MYBL1: variants seen among roughly 807,000 people sequenced by gnomAD.
The protein encoded by MYBL1 is MYB proto-oncogene like 1.
MYBL1 carries 17 observed loss-of-function variants against 96.3 expected under a neutral mutation model. The observed-to-expected ratio is 0.18, with a 90% CI of 0.12 to 0.26. The LOEUF (loss-of-function observed/expected upper bound fraction) is 0.26, where lower values mean the gene tolerates loss of function less well. MYBL1 is among the 10% of genes least tolerant of loss of function. The pLI, the probability that MYBL1 is intolerant of heterozygous loss-of-function variation, is 1.00. For synonymous variants in MYBL1, 282 were observed against 292.7 expected (o/e 0.96, Z 0.37); for missense variants, 701 against 882.9 (o/e 0.79, Z 2.61).
chr8:66,580,250 C>G lies in MYBL1; in HGVS notation c.984G>C (p.Gln328His). Residue 328 changes from glutamine to histidine, a missense_variant, in exon 9 of 16, where the codon CAG (glutamine) becomes CAC (histidine). Gln to His is a conservative substitution (Grantham distance 24). This residue lies in a region of MYBL1 where 396 missense variants were observed against 407.4 expected (regional missense o/e 0.97). Transcript: ENST00000522677. Reference sequence around the variant, plus strand: ...GTGAATTCTGCTGAGCAGACACAGGCTGATTTTCATCCATACTGTAAAACT... The same window carrying G: ...GTGAATTCTGCTGAGCAGACACAGGGTGATTTTCATCCATACTGTAAAACT... ...TSEFYSMDEN[Q>H]PVSAQQNSPT... is the part of the protein sequence containing the mutation. 1 of 1,613,864 alleles carries G rather than the reference C, an allele frequency of 6.2e-7. No individual in the cohort carries two copies. Among genetic ancestry groups the G allele is most frequent in the Non-Finnish European group, 8.5e-7 (1 of 1,179,798 alleles).
intron 1 of MYBL1, among the ~76,000 whole-genome samples, chr8:66,608,945 A>G (rs577398594): frequency 3.3e-5 from 5 of 152,256 alleles, no homozygotes; most frequent in Non-Finnish European, 5.9e-5. Flanking sequence ...TACCTAAGTC[A>G]AAGAAAATAT....
At chr8:66,605,472 A>G (rs972443334) in intron 1 of MYBL1, among the ~76,000 whole-genome samples, 3 of 152,212 alleles carry the variant, frequency 2.0e-5, no homozygotes, top group African/African-American at 7.2e-5. Context: ...GTAAAAAAAG[A>G]AAAAGCAATT....
chr8:66,602,733 ATTTTTTT>A lies in MYBL1; in HGVS notation c.21-217_21-211del, dbSNP rs143426704. ...TATATATATATATATATATATATATATTTTTTTTTTTTTTTTTTTTTTTTTTTTCTGA... is the reference window on the plus strand; with the variant it reads ...TATATATATATATATATATATATATATTTTTTTTTTTTTTTTTTTTTCTGA... On this transcript the variant is annotated intron_variant, in intron 1 of 15. Coordinates refer to ENST00000522677, the MANE Select transcript of MYBL1 (RefSeq NM_001080416.4). 4.4e-3 allele frequency among the ~76,000 whole-genome samples: 123 copies of A among 28,030 alleles called. 1 individual carries two copies. The highest frequency in any genetic ancestry group is 9.0e-3 in the Admixed American group (12 of 1,326). The allele number at this position is 28,030 out of a possible 152,430, so 18.4% of individuals were successfully genotyped here. A position where few individuals can be genotyped will look rare whatever the true frequency, so the allele number is the denominator to read the frequency against.
In MYBL1 at chr8:66,566,924, T is replaced by A. The variant is rs185819379; in HGVS notation, c.1797A>T (p.Leu599=). ...CAGGTTCATCTTCCTCTTTGAGGAA[T>A]AGGTCTGTTCCAGTTTCTTCTTTTA... The part of the protein sequence containing the change: ...EVLKEETGTD[L]FLKEEDEPAY... The change falls in exon 13 of 16, where the codon CTA becomes CTT. Residue 599 remains leucine, a synonymous_variant. Transcript: ENST00000522677. 9 of 1,613,272 alleles carry A rather than the reference T, an allele frequency of 5.6e-6. No individual in the cohort carries two copies.
intron 1 of MYBL1, among the ~76,000 whole-genome samples, chr8:66,609,298 A>T (rs1231036499): frequency 1.3e-5 from 2 of 152,146 alleles, no homozygotes; most frequent in South Asian, 2.1e-4. Flanking sequence ...GGAAACTGAA[A>T]TTTTTTTAAA....
At chr8:66,580,526 T>G (rs917510175) in intron 8 of MYBL1, among the ~76,000 whole-genome samples, 160 bp from the exon 9 acceptor site, 6 of 152,240 alleles carry the variant, frequency 3.9e-5, no homozygotes, top group Admixed American at 1.3e-4. Context: ...GCTTTGACTA[T>G]GTTTCTTTTT....
intron 1 of MYBL1, among the ~76,000 whole-genome samples, chr8:66,606,580 C>T (rs1328027227): frequency 6.6e-6 from 1 of 152,138 alleles, no homozygotes; most frequent in Admixed American, 6.5e-5. Context: ...GTCTATAGAT[C>T]CTTTGTAGGA....
intron 1 of MYBL1, among the ~76,000 whole-genome samples, chr8:66,603,077 T>C (rs1296282761): frequency 6.6e-6 from 1 of 152,022 alleles, no homozygotes; most frequent in Non-Finnish European, 1.5e-5. Flanking sequence ...ACCAAACACA[T>C]GAGGTTGGAT....
At chr8:66,595,189 T>C (rs922122177) in intron 6 of MYBL1, among the ~76,000 whole-genome samples, 1 of 152,152 alleles carries the variant, frequency 6.6e-6, no homozygotes, top group African/African-American at 2.4e-5. Context: ...CCAAAACAAT[T>C]ACTTATTTTT....
In MYBL1 at chr8:66,613,163, C is replaced by T. The variant is rs563361883; in HGVS notation, c.-325G>A. On this transcript the variant is annotated 5_prime_UTR_variant, in exon 1 of 16. Coordinates refer to ENST00000522677, the MANE Select transcript of MYBL1 (RefSeq NM_001080416.4). ...CAGCCTCCCTGCCCTGGCCCCAGCC[C>T]GGCTCCGCCACAGGCGCCCGACCCC... 2.5e-3 allele frequency: 999 copies of T among 400,910 alleles called. 7 individuals are homozygous for T. Among genetic ancestry groups the T allele is most frequent in the African/African-American group, 0.018 (888 of 48,788 alleles). The allele number at this position is 400,910 out of a possible 1,614,324, so 24.8% of individuals were successfully genotyped here. A position where few individuals can be genotyped will look rare whatever the true frequency, so the allele number is the denominator to read the frequency against.
chr8:66,610,393 CTT>C (rs1810480840), intron 1 of MYBL1, among the ~76,000 whole-genome samples: 1 of 150,906 alleles, frequency 6.6e-6, no homozygotes, highest in South Asian at 2.1e-4. Flanking sequence ...GTTTTCTACT[CTT>C]AGGTTTTTTT....
At chr8:66,605,343 G>A (rs1485303750) in intron 1 of MYBL1, among the ~76,000 whole-genome samples, 1 of 152,136 alleles carries the variant, frequency 6.6e-6, no homozygotes, top group Non-Finnish European at 1.5e-5. Context: ...CAAATACAAG[G>A]TCTAGGGTAG....
At chr8:66,598,951 A>G in intron 4 of MYBL1, 99 bp downstream of exon 4, 1 of 660,572 alleles carries the variant, frequency 1.5e-6, no homozygotes, top group Non-Finnish European at 2.2e-6. Flanking sequence ...AACAAAATCA[A>G]AGTGACTTAA....
intron 1 of MYBL1, among the ~76,000 whole-genome samples, chr8:66,606,872 C>A (rs1810333937): frequency 6.6e-6 from 1 of 151,970 alleles, no homozygotes; most frequent in Middle Eastern, 3.4e-3. Flanking sequence ...CTCACTGCAA[C>A]CTCCACCTCC....
intron 1 of MYBL1, among the ~76,000 whole-genome samples, chr8:66,604,254 C>A (rs147202096): frequency 1.1e-4 from 16 of 151,990 alleles, no homozygotes; most frequent in Admixed American, 9.8e-4. Context: ...ATGGGCTGGG[C>A]GTGGACACCT....
At chr8:66,609,339 G>T (rs1161972767) in intron 1 of MYBL1, among the ~76,000 whole-genome samples, 1 of 151,696 alleles carries the variant, frequency 6.6e-6, no homozygotes, top group African/African-American at 2.4e-5. Context: ...AGAAATACCG[G>T]TTCTATAAAT....
intron 10 of MYBL1, among the ~76,000 whole-genome samples, chr8:66,574,035 AAGC>A (rs1808839365): frequency 6.6e-6 from 1 of 152,220 alleles, no homozygotes; most frequent in Non-Finnish European, 1.5e-5. Context: ...CAGAACCTCT[AAGC>A]AGTCAAAACT....
chr8:66,596,140 G>A (rs73250216), intron 5 of MYBL1, among the ~76,000 whole-genome samples: 4,303 of 152,110 alleles, frequency 0.028, 208 homozygotes, highest in African/African-American at 0.096. Context: ...AGTGGGTAAC[G>A]GAGTAATTTT....
chr8:66,582,814 T>A (rs1282589175), intron 8 of MYBL1, among the ~76,000 whole-genome samples: 1 of 151,300 alleles, frequency 6.6e-6, no homozygotes, highest in Non-Finnish European at 1.5e-5. Context: ...TGTAAATATA[T>A]ATGCACCAAT....
Sources: gnomAD v4.1 joint callset for allele counts (sites outside exome capture counted in the v4.1 genomes callset) on GRCh38, gnomAD v4.1.1 for gene constraint, gnomAD v4.1.1 regional missense constraint, MANE v1.5 for transcripts, NCBI Gene and HGNC (gene_info 2026-07-23, HGNC 2026-07-21) for gene names.